The following COL16A1 variants were observed in gnomAD, a reference collection of about 807,000 sequenced individuals.
COL16A1 encodes the protein collagen type XVI alpha 1 chain, also known as collagen alpha-1(XVI) chain.
A neutral mutation model predicts 266.3 loss-of-function variants in COL16A1; 189 were observed. The ratio of observed to expected loss-of-function variants is 0.71; its 90% confidence interval spans 0.63 to 0.80. The LOEUF is 0.80. Ranked by LOEUF, COL16A1 falls within the 30% of genes least tolerant of loss-of-function variation. The probability of loss-of-function intolerance (pLI) is 0.00; values close to 1 mark genes in which losing one functional copy is unlikely to be tolerated. For synonymous variants in COL16A1, 740 were observed against 782.3 expected (o/e 0.95, Z 0.90); for missense variants, 1,928 against 2,122.4 (o/e 0.91, Z 1.80).
rs2297683 is a variant in COL16A1 at position 31,686,171 on chromosome 1, C to T, written c.1840-36G>A. 1.1e-5 allele frequency: 17 copies of T among 1,614,162 alleles called. No individual in the cohort carries two copies. In the East Asian group the frequency reaches 3.8e-4, roughly 36 times the overall value. On this transcript the variant is annotated intron_variant, in intron 27 of 70. Coordinates refer to ENST00000373672, the MANE Select transcript of COL16A1 (RefSeq NM_001856.4). ...AGACGCTACAGGTAATGCCCAGCAT[C>T]TGCCAGGGCCATGCCTATCAGCCCC...
intron 23 of COL16A1, chr1:31,689,296 T>C: frequency 1.3e-6 from 1 of 765,202 alleles, no homozygotes; most frequent in East Asian, 2.7e-5. Flanking sequence ...CAGGTTAAGC[T>C]AACCCAGTGG....
chr1:31,696,275 C>G (rs1369941222), intron 8 of COL16A1, 134 bp from the exon 9 acceptor site: 1 of 723,850 alleles, frequency 1.4e-6, no homozygotes, highest in Non-Finnish European at 2.3e-6. Context: ...CCTGGGGCAT[C>G]AAGGGCCTGC....
Position 31,697,436 on chromosome 1 carries a change from A to G in COL16A1, c.658-136T>C. Reference sequence around the variant, plus strand: ...TTCCAGTCTGGCCTGGGAGACATCAAAAATAGAGTTGTCACCAAAGGCAGA... The same window carrying G: ...TTCCAGTCTGGCCTGGGAGACATCAGAAATAGAGTTGTCACCAAAGGCAGA... On this transcript the variant is annotated intron_variant, in intron 6 of 70. Transcript: ENST00000373672. This position sits in a 1 kb window ranked among gnomAD's most constrained non-coding sequence, Gnocchi z 4.2. 1.2e-6 allele frequency: 1 copy of G among 844,278 alleles called. No individual in the cohort carries two copies. The highest frequency in any genetic ancestry group is 1.8e-6 in the Non-Finnish European group (1 of 554,700). The allele number at this position is 844,278 out of a possible 1,614,324, so 52.3% of individuals were successfully genotyped here.
chr1:31,698,582 C>T lies in COL16A1; in HGVS notation c.291G>A (p.Pro97=), dbSNP rs2228551. Residue 97 remains proline (P), a synonymous_variant, in exon 5 of 71, where the codon CCG becomes CCA. Transcript: ENST00000373672. The surrounding 1 kb of genome is among the most constrained non-coding windows in gnomAD (Gnocchi z 4.1). ...PTRRVFPRGL[P]EEFALVLTLL... is the part of the protein sequence containing the mutation. Reference sequence around the variant, plus strand: ...GTGTCAGCACCAGGGCAAACTCCTCCGGGAGACCCCGAGGGAATACTCTTC... The same window carrying T: ...GTGTCAGCACCAGGGCAAACTCCTCTGGGAGACCCCGAGGGAATACTCTTC... 2.8e-4 allele frequency: 448 copies of T among 1,614,000 alleles called. 1 individual carries two copies. In the African/African-American group the frequency reaches 5.1e-3, roughly 18 times the overall value.
rs1644316510 is a variant in COL16A1, at chr1:31,692,487, GA to G, written c.1180del (p.Ser394GlnfsTer67). The G allele has an allele frequency of 6.2e-7, 1 of 1,613,452 alleles. No individual in the cohort carries two copies. Among genetic ancestry groups the G allele is most frequent in the Non-Finnish European group, 8.5e-7 (1 of 1,179,648 alleles). On this transcript the variant is annotated frameshift_variant, in exon 16 of 71. Coordinates refer to ENST00000373672, the MANE Select transcript of COL16A1 (RefSeq NM_001856.4). LOFTEE classifies it high-confidence loss of function. ...CAGGCTTGTTACCTTCTCGCCTGTT[GA>G]GCCTGGGAGTCCTGAGGGTCCCTGA... ...GALGPSGLPG[S>X]TGEKGQKGEK...
intron 21 of COL16A1, 25 bp downstream of exon 21, chr1:31,690,504 C>T (rs1452747390): frequency 1.9e-6 from 3 of 1,613,950 alleles, no homozygotes; most frequent in South Asian, 2.2e-5. Context: ...AGCCGACCCT[C>T]CCCCGCTGGA....
Position 31,668,753 on chromosome 1 carries a change from C to T in COL16A1, c.3249+49G>A. 1.2e-6 allele frequency: 2 copies of T among 1,607,364 alleles called. No homozygotes were observed. Among genetic ancestry groups the T allele is most frequent in the South Asian group, 1.1e-5 (1 of 90,922 alleles). The stretch of plus-strand genomic sequence containing the variant: ...CAGAGCTCAAGCTCTGCCTCCCCAG[C>T]TCTTCCTCCCTTTCCAGCCCTTTCC... On this transcript the variant is annotated intron_variant, in intron 50 of 70. Transcript: ENST00000373672. The surrounding 1 kb of genome is among the most constrained non-coding windows in gnomAD (Gnocchi z 5.8).
chr1:31,692,754 C>A lies in COL16A1; in HGVS notation c.1113+13G>T. 4.3e-6 allele frequency: 7 copies of A among 1,613,712 alleles called. No homozygotes were observed. In the South Asian group the frequency reaches 7.7e-5, roughly 18 times the overall value. ...ATATTGGCCCTGAAGCAGGCATCAC[C>A]TCCAAGTCTTACCTGAAGTGGGGCA... On this transcript the variant is annotated intron_variant, in intron 14 of 70. Coordinates refer to ENST00000373672, the MANE Select transcript of COL16A1 (RefSeq NM_001856.4).
chr1:31,662,174 C>T (rs1040427545), intron 58 of COL16A1, among the ~76,000 whole-genome samples, 160 bp downstream of exon 58: 23 of 152,156 alleles, frequency 1.5e-4, no homozygotes, highest in African/African-American at 5.3e-4. Context: ...GTGGTGCCAT[C>T]GGGGAGCTGG....
At position 31,698,712 on chromosome 1, in the gene COL16A1, C is replaced by T; in HGVS notation, c.267-106G>A. The T allele has an allele frequency of 2.0e-6, 3 of 1,512,924 alleles. No individual in the cohort carries two copies. The Admixed American group carries it at 5.9e-5, about 30-fold the overall frequency. The allele number at this position is 1,512,924 out of a possible 1,614,324, so 93.7% of individuals were successfully genotyped here. A position where few individuals can be genotyped will look rare whatever the true frequency, so the allele number is the denominator to read the frequency against. On this transcript the variant is annotated intron_variant, in intron 4 of 70. Transcript: ENST00000373672. The surrounding 1 kb of genome is among the most constrained non-coding windows in gnomAD (Gnocchi z 4.1). ...AGCCTACCCAAGACATCCACAGGCA[C>T]ACATCTTCCATCATATACATTCATT...
intron 21 of COL16A1, 29 bp from the exon 22 acceptor site, chr1:31,690,422 T>A: frequency 6.2e-7 from 1 of 1,614,180 alleles, no homozygotes; most frequent in Non-Finnish European, 8.5e-7. Context: ...TGGGCATCAG[T>A]GCCAGGGCAG....
rs551631352 is a variant in COL16A1, at chr1:31,691,965, G to A, written c.1257+40C>T. 1.6e-5 allele frequency: 26 copies of A among 1,613,202 alleles called. No individual in the cohort carries two copies. In the African/African-American group the frequency reaches 2.9e-4, roughly 18 times the overall value. Reference sequence around the variant, plus strand: ...TTAAATCCCAGCATTCTCAGACCCCGTGCTGTGGGTTGTGGTGGGGAAGGG... The same window carrying A: ...TTAAATCCCAGCATTCTCAGACCCCATGCTGTGGGTTGTGGTGGGGAAGGG... On this transcript the variant is annotated intron_variant, in intron 17 of 70. Coordinates refer to ENST00000373672, the MANE Select transcript of COL16A1 (RefSeq NM_001856.4).
At position 31,662,623 on chromosome 1, in the gene COL16A1, A is replaced by G. The variant is rs1242694616; in HGVS notation, c.3591T>C (p.Pro1197=). The change falls in exon 57 of 71, where the codon CCT becomes CCC. Residue 1197 remains proline, a synonymous_variant. Coordinates refer to ENST00000373672, the MANE Select transcript of COL16A1 (RefSeq NM_001856.4). ...SEGIRGPSGL[P]GSPGPPGPPG... ...GAGGTCCCGGTGGCCCAGGGGAGCCAGGCAGGCCTGATGGGCCTCGAATCC... is the reference window on the plus strand; with the variant it reads ...GAGGTCCCGGTGGCCCAGGGGAGCCGGGCAGGCCTGATGGGCCTCGAATCC... 2 of 1,558,114 alleles carry G rather than the reference A, an allele frequency of 1.3e-6. No homozygotes were observed. The highest frequency in any genetic ancestry group is 4.8e-5 in the East Asian group (2 of 42,102).
At chr1:31,687,756 A>G (rs193203140) in intron 26 of COL16A1, among the ~76,000 whole-genome samples, 154 of 152,192 alleles carry the variant, frequency 1.0e-3, no homozygotes, top group African/African-American at 3.6e-3. Flanking sequence ...GGGGGTGCAA[A>G]GGCCCCACAT....
chr1:31,669,597 C>T (rs140475585), intron 49 of COL16A1, among the ~76,000 whole-genome samples: 14 of 152,020 alleles, frequency 9.2e-5, no homozygotes, highest in African/African-American at 3.4e-4. Flanking sequence ...GGCCCCTTCA[C>T]CCAAGCAAGC....
intron 59 of COL16A1, 35 bp from the exon 60 acceptor site, chr1:31,661,493 A>G: frequency 6.2e-7 from 1 of 1,614,196 alleles, no homozygotes; most frequent in South Asian, 1.1e-5. Flanking sequence ...CATGTCCCTC[A>G]TGTCAGCTGG....
At chr1:31,702,760 T>C (rs7536928) in intron 1 of COL16A1, among the ~76,000 whole-genome samples, 3,923 of 152,220 alleles carry the variant, frequency 0.026, 173 homozygotes, top group African/African-American at 0.089. Flanking sequence ...TGGGCTGAGA[T>C]TGTGGGCCAC....
At chr1:31,702,299 T>C (rs1644752084) in intron 1 of COL16A1, 72 bp from the exon 2 acceptor site, 1 of 1,512,462 alleles carries the variant, frequency 6.6e-7, no homozygotes, top group Non-Finnish European at 9.0e-7. Flanking sequence ...GGGCAAGTCG[T>C]GGACAGCCTG....
Position 31,664,833 on chromosome 1 carries a change from C to T in COL16A1, c.3555+339G>A, listed in dbSNP as rs1641989873. ...CCTCCCGCCCAGGAGACGAAGGTGG[C>T]CTGGGCTGCCTATCACATTCTACTC... On this transcript the variant is annotated intron_variant, in intron 56 of 70. Transcript: ENST00000373672. The surrounding 1 kb of genome is among the most constrained non-coding windows in gnomAD (Gnocchi z 5.5). 6.6e-6 allele frequency among the ~76,000 whole-genome samples: 1 copy of T among 152,078 alleles called. No homozygotes were observed. The highest frequency in any genetic ancestry group is 2.4e-5 in the African/African-American group (1 of 41,414).
Sources: allele counts gnomAD v4.1 joint callset (sites outside exome capture counted in the v4.1 genomes callset), GRCh38; gene constraint gnomAD v4.1.1; non-coding constraint Gnocchi (gnomAD v3.1); transcripts MANE v1.5; gene names NCBI Gene and HGNC (gene_info 2026-07-23, HGNC 2026-07-21).